The following NLGN4Y variants were observed in gnomAD, a reference collection of about 807,000 sequenced individuals.
The protein encoded by NLGN4Y is neuroligin-4, Y-linked.
In NLGN4Y, 4 loss-of-function variants were observed where a neutral mutation model predicts 8.4. The observed-to-expected ratio is 0.48, with a 90% CI of 0.23 to 1.09. The LOEUF (loss-of-function observed/expected upper bound fraction) is 1.09, where lower values mean the gene tolerates loss of function less well. NLGN4Y is among the 50% of genes least tolerant of loss of function. NLGN4Y has a pLI of 0.19. For missense variants in NLGN4Y, 90 were observed against 192.3 expected (o/e 0.47, Z 3.15); for synonymous variants, 35 against 75.6 (o/e 0.46, Z 2.78).
At chrY:14,538,512 G>C (rs959307743) in intron 1 of NLGN4Y, among the ~76,000 whole-genome samples, 1 of 34,062 alleles carries the variant, frequency 2.9e-5, no homozygotes, top group African/African-American at 1.1e-4. Context: ...AGCTGCATTT[G>C]ATGGTAACTC....
Position 14,736,678 on chromosome Y carries a change from C to G in NLGN4Y, c.685+13409C>G. Among the ~76,000 whole-genome samples the G allele has an allele frequency of 1.6e-4, 5 of 32,010 alleles. No individual in the cohort carries two copies. In the South Asian group the frequency reaches 2.9e-3, roughly 19 times the overall value. 85.9% of individuals were successfully genotyped at this position (32,010 alleles called of 37,273 possible). ...GCAGATACCCTCATTCTGTTCTCATCATAGTGAGTTTTCATGAGATCTGAT... is the reference window on the plus strand; with the variant it reads ...GCAGATACCCTCATTCTGTTCTCATGATAGTGAGTTTTCATGAGATCTGAT... On this transcript the variant is annotated intron_variant, in intron 4 of 6. Transcript: ENST00000684976.
At chrY:14,576,393 C>T (rs749902328) in intron 1 of NLGN4Y, among the ~76,000 whole-genome samples, 9 of 33,514 alleles carry the variant, frequency 2.7e-4, no homozygotes, top group African/African-American at 9.3e-4. Context: ...CCGAGCCAGG[C>T]GCAGGATATA....
chrY:14,604,324 A>G, intron 1 of NLGN4Y, among the ~76,000 whole-genome samples: 2 of 32,723 alleles, frequency 6.1e-5, no homozygotes, highest in Non-Finnish European at 1.5e-4. Flanking sequence ...ACCCGCCCCA[A>G]CGACACTCAC....
At chrY:14,724,199 C>A (rs17222272) in intron 4 of NLGN4Y, among the ~76,000 whole-genome samples, 3,632 of 32,897 alleles carry the variant, frequency 0.11, no homozygotes, top group Non-Finnish European at 0.19. Flanking sequence ...ATATTTTTAA[C>A]AGACTGTCAG....
intron 2 of NLGN4Y, among the ~76,000 whole-genome samples, chrY:14,685,366 C>A (rs372901390): frequency 3.0e-5 from 1 of 33,419 alleles, no homozygotes; most frequent in Non-Finnish European, 7.4e-5. Flanking sequence ...GCAAAACAGA[C>A]CTTCACGCTT....
intron 2 of NLGN4Y, among the ~76,000 whole-genome samples, chrY:14,656,147 A>G (rs2080650333): frequency 3.0e-5 from 1 of 33,566 alleles, no homozygotes; most frequent in Non-Finnish European, 7.4e-5. Context: ...TAAAGTAACT[A>G]ATATCCTACT....
upstream of NLGN4Y, chrY:14,523,571 CTG>C (rs2080081203): frequency 8.4e-6 from 1 of 118,445 alleles, no homozygotes; most frequent in Admixed American, 1.1e-4. Context: ...CTTCTGCAAA[CTG>C]TGAGCATGGA....
intron 2 of NLGN4Y, 88 bp from the exon 3 acceptor site, chrY:14,719,371 G>A: frequency 1.6e-5 from 2 of 126,271 alleles, no homozygotes; most frequent in Middle Eastern, 1.3e-3. Context: ...TTACTAGGTA[G>A]CATCTTTCTC....
chrY:14,589,879 G>A, intron 1 of NLGN4Y, among the ~76,000 whole-genome samples: 1 of 34,591 alleles, frequency 2.9e-5, no homozygotes, highest in Non-Finnish European at 7.3e-5. Flanking sequence ...AGCCCATGGA[G>A]TGGGTGGGAG....
chrY:14,786,494 C>G (rs746770869), intron 4 of NLGN4Y, among the ~76,000 whole-genome samples: 5 of 32,531 alleles, frequency 1.5e-4, no homozygotes, highest in Middle Eastern at 0.013. Flanking sequence ...TCCTGATACT[C>G]TCCCTGCTCC....
intron 4 of NLGN4Y, among the ~76,000 whole-genome samples, chrY:14,821,196 C>T: frequency 3.0e-5 from 1 of 33,515 alleles, no homozygotes; most frequent in East Asian, 8.0e-4. Context: ...CCAGTGGGTT[C>T]GTGGTCTTGC....
At chrY:14,785,698 A>G in intron 4 of NLGN4Y, among the ~76,000 whole-genome samples, 1 of 25,894 alleles carries the variant, frequency 3.9e-5, no homozygotes, top group Admixed American at 3.8e-4. Context: ...TGGGAGGCGG[A>G]GCTTGTAGTG....
At chrY:14,776,753 T>C (rs2081127763) in intron 4 of NLGN4Y, among the ~76,000 whole-genome samples, 1 of 32,983 alleles carries the variant, frequency 3.0e-5, no homozygotes, top group Non-Finnish European at 7.5e-5. Context: ...TTCCTCCTTT[T>C]ATCTTTTAAC....
intron 2 of NLGN4Y, among the ~76,000 whole-genome samples, chrY:14,626,886 C>A (rs1603501616): frequency 9.1e-5 from 3 of 32,919 alleles, no homozygotes; most frequent in Non-Finnish European, 1.5e-4. Context: ...TCCAGCTAGA[C>A]GTAAAAGTTC....
intron 1 of NLGN4Y, among the ~76,000 whole-genome samples, chrY:14,567,004 C>T: frequency 3.0e-5 from 1 of 33,375 alleles, no homozygotes; most frequent in South Asian, 6.5e-4. Flanking sequence ...GGAAACTGAA[C>T]AACCCGCTCC....
At chrY:14,568,080 T>C in intron 1 of NLGN4Y, among the ~76,000 whole-genome samples, 1 of 32,505 alleles carries the variant, frequency 3.1e-5, no homozygotes, top group Non-Finnish European at 7.5e-5. Flanking sequence ...CGTTAACTCG[T>C]CACTTAACAT....
At chrY:14,763,339 A>T (rs1049628895) in intron 4 of NLGN4Y, among the ~76,000 whole-genome samples, 4 of 33,022 alleles carry the variant, frequency 1.2e-4, no homozygotes, top group African/African-American at 4.7e-4. Flanking sequence ...GAAACACTTC[A>T]GTTGTAGGCC....
intron 1 of NLGN4Y, among the ~76,000 whole-genome samples, chrY:14,562,565 T>C (rs2080234089): frequency 3.0e-5 from 1 of 33,645 alleles, no homozygotes; most frequent in African/African-American, 1.2e-4. Flanking sequence ...AAGTTTAAAG[T>C]ACCTTTTTCC....
chrY:14,707,980 G>A (rs2080887873), intron 2 of NLGN4Y, among the ~76,000 whole-genome samples: 1 of 32,878 alleles, frequency 3.0e-5, no homozygotes, highest in Non-Finnish European at 7.5e-5. Flanking sequence ...CCTATTTTAA[G>A]TTATTTCCTA....
Sources: gnomAD v4.1 joint callset for allele counts (sites outside exome capture counted in the v4.1 genomes callset) on GRCh38, gnomAD v4.1.1 for gene constraint, MANE v1.5 for transcripts, NCBI Gene and HGNC (gene_info 2026-07-23, HGNC 2026-07-21) for gene names.